The following TRAPPC9 variants were observed in gnomAD, a reference collection of about 807,000 sequenced individuals.
TRAPPC9 encodes IKK2 binding protein.
Under a neutral mutation model 124.0 loss-of-function variants are expected in TRAPPC9, and 83 were observed. The ratio of observed to expected loss-of-function variants is 0.67; its 90% confidence interval spans 0.56 to 0.80. The LOEUF is 0.80. TRAPPC9 is among the 30% of genes least tolerant of loss of function. The probability of loss-of-function intolerance (pLI) is 0.00; values close to 1 mark genes in which losing one functional copy is unlikely to be tolerated. For synonymous variants in TRAPPC9, 638 were observed against 617.5 expected, an observed-to-expected ratio of 1.03 and a Z score of -0.49; for missense variants, 1,302 against 1,508.3, an observed-to-expected ratio of 0.86 and a Z score of 2.27.
chr8:140,270,158 G>T (rs555536430), intron 15 of TRAPPC9, among the ~76,000 whole-genome samples: 7 of 152,136 alleles, frequency 4.6e-5, no homozygotes, highest in Admixed American at 6.5e-5. Context: ...GACAGAAGCT[G>T]GACCTTGAGA....
At chr8:139,972,704 A>G (rs1836181159) in intron 19 of TRAPPC9, among the ~76,000 whole-genome samples, 1 of 152,238 alleles carries the variant, frequency 6.6e-6, no homozygotes, top group East Asian at 1.9e-4. Context: ...CTGTACCTCA[A>G]CTAAGCCTCA....
At chr8:139,808,835 T>A (rs947241425) in intron 21 of TRAPPC9, among the ~76,000 whole-genome samples, 4 of 152,278 alleles carry the variant, frequency 2.6e-5, no homozygotes, top group African/African-American at 9.6e-5. Context: ...ACTGTATGGA[T>A]ATACCACATT....
chr8:140,033,658 G>GTTTTTTT lies in TRAPPC9; in HGVS notation c.2557-9586_2557-9580dup, dbSNP rs776155126. 3.3e-3 allele frequency among the ~76,000 whole-genome samples: 141 copies of GTTTTTTT among 42,362 alleles called. 21 individuals are homozygous for GTTTTTTT. The highest frequency in any genetic ancestry group is 6.4e-3 in the South Asian group (5 of 784). The allele number at this position is 42,362 out of a possible 152,430, so 27.8% of individuals were successfully genotyped here. ...TTGAAATGCAACTCTTCATAATGTG[G>GTTTTTTT]TTTTTTTTTTTTTTTTTTTTTTTTT... On this transcript the variant is annotated intron_variant, in intron 17 of 22. Transcript: ENST00000438773.
intron 20 of TRAPPC9, among the ~76,000 whole-genome samples, chr8:139,905,860 C>T (rs146439332): frequency 0.019 from 2,927 of 151,936 alleles, 76 homozygotes; most frequent in Middle Eastern, 0.071. Context: ...TTTGGGAGGC[C>T]GAGGCGGGCG....
intron 19 of TRAPPC9, among the ~76,000 whole-genome samples, chr8:139,973,889 G>GATCTGCCATCCC (rs1169115280): frequency 2.0e-5 from 3 of 152,122 alleles, no homozygotes; most frequent in Non-Finnish European, 4.4e-5. Context: ...TCCCTCTCGA[G>GATCTGCCATCCC]TCCCTGCGAA....
At chr8:140,261,568 A>C (rs2064412581) in intron 15 of TRAPPC9, among the ~76,000 whole-genome samples, 2 of 152,256 alleles carry the variant, frequency 1.3e-5, no homozygotes, top group Admixed American at 1.3e-4. Flanking sequence ...CTGTCCTAGT[A>C]GCTGGAAGTA....
intron 17 of TRAPPC9, among the ~76,000 whole-genome samples, chr8:140,175,514 G>C (rs2062049636): frequency 6.6e-6 from 1 of 152,156 alleles, no homozygotes; most frequent in Non-Finnish European, 1.5e-5. Flanking sequence ...GAACGCCAAA[G>C]AGATTAGAAA....
chr8:140,163,585 A>C (rs1316970693), intron 17 of TRAPPC9, among the ~76,000 whole-genome samples: 1 of 152,232 alleles, frequency 6.6e-6, no homozygotes, highest in Non-Finnish European at 1.5e-5. Context: ...TGGACCAGAC[A>C]GGGGAACGCT....
chr8:139,737,905 A>T (rs1303960917), intron 21 of TRAPPC9, among the ~76,000 whole-genome samples: 2 of 152,140 alleles, frequency 1.3e-5, no homozygotes, highest in African/African-American at 4.8e-5. Context: ...GAGAACTAGG[A>T]CGGGGATGCT....
rs528363197 is a variant in TRAPPC9, at chr8:140,150,081, A to C, written c.2556+71378T>G. Among the ~76,000 whole-genome samples the C allele has an allele frequency of 3.1e-3, 476 of 152,314 alleles. 2 individuals are homozygous for C. The highest frequency in any genetic ancestry group is 0.011 in the African/African-American group (457 of 41,562). ...ATGTGTGTCACATGATGACAGTGGC[A>C]GTGGTTATAATGATGGTGATCAGGT... On this transcript the variant is annotated intron_variant, in intron 17 of 22. Transcript: ENST00000438773.
chr8:139,823,123 C>T (rs1825367457), intron 21 of TRAPPC9, among the ~76,000 whole-genome samples: 1 of 152,142 alleles, frequency 6.6e-6, no homozygotes, highest in African/African-American at 2.4e-5. Flanking sequence ...CACATACAAC[C>T]ACACTGGGGG....
At chr8:139,897,480 C>T (rs1018187501) in intron 20 of TRAPPC9, among the ~76,000 whole-genome samples, 1 of 152,198 alleles carries the variant, frequency 6.6e-6, no homozygotes, top group Admixed American at 6.5e-5. Flanking sequence ...CAGAGGACTG[C>T]TTGTGGTTCC....
intron 17 of TRAPPC9, among the ~76,000 whole-genome samples, chr8:140,119,591 A>C (rs1464459544): frequency 6.6e-6 from 1 of 152,204 alleles, no homozygotes; most frequent in Non-Finnish European, 1.5e-5. Context: ...GCATTTCCAT[A>C]ACCTATTAAG....
intron 17 of TRAPPC9, among the ~76,000 whole-genome samples, chr8:140,161,500 T>G (rs1019300829): frequency 6.6e-6 from 1 of 152,114 alleles, no homozygotes; most frequent in Non-Finnish European, 1.5e-5. Flanking sequence ...TGAAATACAT[T>G]TATGTTTCAT....
chr8:139,739,205 C>G lies in TRAPPC9; in HGVS notation c.3056-7003G>C, dbSNP rs555905574. ...AGAGTGGCTCCACCACCGGCAGCAG[C>G]TCAAGCTGGGTCCTCTCCTCCCGGA... On this transcript the variant is annotated intron_variant, in intron 21 of 22. Coordinates refer to ENST00000438773, the MANE Select transcript of TRAPPC9 (RefSeq NM_001160372.4). Among the ~76,000 whole-genome samples, 3 of 152,132 alleles carry G rather than the reference C, an allele frequency of 2.0e-5. No homozygotes were observed. The South Asian group carries it at 6.2e-4, about 32-fold the overall frequency.
At chr8:140,239,593 ACCT>A (rs1311643353) in intron 16 of TRAPPC9, among the ~76,000 whole-genome samples, 2 of 151,988 alleles carry the variant, frequency 1.3e-5, no homozygotes, top group African/African-American at 4.8e-5. Context: ...GGCCGCATCC[ACCT>A]CCTCACGGCC....
At chr8:140,331,928 G>A (rs2066903753) in intron 9 of TRAPPC9, among the ~76,000 whole-genome samples, 1 of 152,200 alleles carries the variant, frequency 6.6e-6, no homozygotes, top group East Asian at 1.9e-4. Flanking sequence ...GTTCCTCAAA[G>A]AACTAAAAAT....
chr8:140,324,641 G>A (rs969214553), intron 9 of TRAPPC9, among the ~76,000 whole-genome samples: 17 of 152,064 alleles, frequency 1.1e-4, no homozygotes, highest in African/African-American at 2.7e-4. Context: ...ATGGTAGTAC[G>A]TGCCCATGGG....
intron 18 of TRAPPC9, among the ~76,000 whole-genome samples, chr8:140,000,995 A>G (rs991532146): frequency 6.6e-6 from 1 of 152,232 alleles, no homozygotes. Context: ...ATGTCCATCA[A>G]TGATAGACTG....
Sources: allele counts gnomAD v4.1 joint callset (sites outside exome capture counted in the v4.1 genomes callset), GRCh38; gene constraint gnomAD v4.1.1; transcripts MANE v1.5; gene names NCBI Gene and HGNC (gene_info 2026-07-23, HGNC 2026-07-21).